The following OXNAD1 variants were observed in gnomAD, a reference collection of about 807,000 sequenced individuals.
The protein encoded by OXNAD1 is oxidoreductase NAD-binding domain-containing protein 1.
A neutral mutation model predicts 32.9 loss-of-function variants in OXNAD1; 34 were observed. The observed-to-expected ratio is 1.03, with a 90% confidence interval of 0.79 to 1.38. The LOEUF (loss-of-function observed/expected upper bound fraction) is 1.38. OXNAD1 is among the 40% of genes most tolerant of loss of function. OXNAD1 has a pLI of 0.00. For missense variants in OXNAD1, 407 were observed against 379.4 expected, an observed-to-expected ratio of 1.07 and a Z score of -0.60; for synonymous variants, 134 against 135.2, an observed-to-expected ratio of 0.99 and a Z score of 0.06.
rs2068050571 is a variant in OXNAD1 at position 16,312,599 on chromosome 3, G to A, written c.*30+9007G>A. On this transcript the variant is annotated intron_variant, in intron 9 of 9. Transcript: ENST00000435829. This position sits in a 1 kb window ranked among gnomAD's most constrained non-coding sequence, Gnocchi z 4.7. ...CAGCACAGTGCCCCTATGCCAGCTA[G>A]GAGCTCAGCTAGAGTGGGTTGCACG... Among the ~76,000 whole-genome samples the A allele has an allele frequency of 6.6e-6, 1 of 152,238 alleles. No individual in the cohort carries two copies. Among genetic ancestry groups the A allele is most frequent in the Admixed American group, 6.5e-5 (1 of 15,290 alleles).
chr3:16,334,112 C>T lies in OXNAD1; in HGVS notation c.*31-3000C>T, dbSNP rs140262746. Among the ~76,000 whole-genome samples, 1 of 152,274 alleles carries T rather than the reference C, an allele frequency of 6.6e-6. No individual in the cohort carries two copies. Among genetic ancestry groups the T allele is most frequent in the African/African-American group, 2.4e-5 (1 of 41,556 alleles). On this transcript the variant is annotated intron_variant, in intron 9 of 9. Transcript: ENST00000435829. The surrounding 1 kb of genome is among the most constrained non-coding windows in gnomAD (Gnocchi z 4.3). ...CCTAGGAGGCAGAAGCTGCAGTGAGCCGAGATCGTGCCACTGCACTCCAGC... is the reference window on the plus strand; with the variant it reads ...CCTAGGAGGCAGAAGCTGCAGTGAGTCGAGATCGTGCCACTGCACTCCAGC...
At chr3:16,274,774 T>TG (rs2065203992) in intron 4 of OXNAD1, among the ~76,000 whole-genome samples, 1 of 152,256 alleles carries the variant, frequency 6.6e-6, no homozygotes, top group Non-Finnish European at 1.5e-5. Context: ...CTTTTGAACA[T>TG]GCCCTTGTTC....
At position 16,299,567 on chromosome 3, in the gene OXNAD1, TAA is replaced by T. The variant is rs2067032666; in HGVS notation, c.433-2058_433-2057del. Among the ~76,000 whole-genome samples, 1 of 152,214 alleles carries T rather than the reference TAA, an allele frequency of 6.6e-6. No individual in the cohort carries two copies. Among genetic ancestry groups the T allele is most frequent in the Admixed American group, 6.5e-5 (1 of 15,282 alleles). ...AAAGACATGTTTTTGTGAATTCAAATAATTTTCATTTTTCTTAGATCTTCTCT... is the reference window on the plus strand; with the variant it reads ...AAAGACATGTTTTTGTGAATTCAAATTTTTCATTTTTCTTAGATCTTCTCT... On this transcript the variant is annotated intron_variant, in intron 6 of 8. Transcript: ENST00000285083. This position sits in a 1 kb window ranked among gnomAD's most constrained non-coding sequence, Gnocchi z 4.4.
chr3:16,286,776 G>A lies in OXNAD1; in HGVS notation c.290+328G>A, dbSNP rs757571096. Among the ~76,000 whole-genome samples, 117 of 152,200 alleles carry A rather than the reference G, an allele frequency of 7.7e-4. 2 individuals carry two copies. Among genetic ancestry groups the A allele is most frequent in the Non-Finnish European group, 8.8e-5 (6 of 68,032 alleles). On this transcript the variant is annotated intron_variant, in intron 5 of 8. Transcript: ENST00000285083. ...CTTCAGGAATGGTTGCTAACAGAAT[G>A]CACTTCAGTAATCTAATCTCCTTGA...
chr3:16,306,360 A>G (rs1019237010), downstream of OXNAD1, among the ~76,000 whole-genome samples: 1 of 152,142 alleles, frequency 6.6e-6, no homozygotes, highest in African/African-American at 2.4e-5. Flanking sequence ...AAGCCTAGCA[A>G]TTGTATCGTG....
Position 16,334,465 on chromosome 3 carries a change from G to C in OXNAD1, c.*31-2647G>C, listed in dbSNP as rs1337817794. 1.3e-5 allele frequency among the ~76,000 whole-genome samples: 2 copies of C among 152,188 alleles called. No individual in the cohort carries two copies. Among genetic ancestry groups the C allele is most frequent in the African/African-American group, 2.4e-5 (1 of 41,432 alleles). ...AATGCACAGAGTTATTCACTGGAGA[G>C]CGGTCTGCAGTAGCAAGACACTGGA... On this transcript the variant is annotated intron_variant, in intron 9 of 9. Transcript: ENST00000435829. The surrounding 1 kb of genome is among the most constrained non-coding windows in gnomAD (Gnocchi z 4.3).
Position 16,312,145 on chromosome 3 carries a change from T to C in OXNAD1, c.*30+8553T>C, listed in dbSNP as rs79157173. Among the ~76,000 whole-genome samples, 2,273 of 152,320 alleles carry C rather than the reference T, an allele frequency of 0.015. 62 individuals are homozygous for C. The highest frequency in any genetic ancestry group is 0.052 in the African/African-American group (2,161 of 41,558). ...AACGATTGTTATCAACAGGAACCTG[T>C]GGTGAACATCACTTTGCTTCCTTCT... On this transcript the variant is annotated intron_variant, in intron 9 of 9. Coordinates refer to the OXNAD1 transcript ENST00000435829. The surrounding 1 kb of genome is among the most constrained non-coding windows in gnomAD (Gnocchi z 4.7).
Position 16,301,779 on chromosome 3 carries a change from A to G in OXNAD1, c.586A>G (p.Arg196Gly), listed in dbSNP as rs570100479. The change falls in exon 7 of 9, where the codon AGA becomes GGA. Residue 196 changes from arginine (R) to glycine (G), a missense_variant. Physicochemically the swap from Arg to Gly is moderately radical, Grantham distance 125. Coordinates refer to ENST00000285083, the MANE Select transcript of OXNAD1 (RefSeq NM_138381.5). This position sits in a 1 kb window ranked among gnomAD's most constrained non-coding sequence, Gnocchi z 4.1. ...SILRHAADLL[R>G]EQANKRNGYE... ...CCTGCGGCACGCAGCAGATCTCCTC[A>G]GAGAGCAGGCAAACAAAAGAAATGG... is the stretch of plus-strand genomic sequence containing the variant. 3 of 1,614,164 alleles carry G rather than the reference A, an allele frequency of 1.9e-6. No homozygotes were observed. Among genetic ancestry groups the G allele is most frequent in the South Asian group, 1.1e-5 (1 of 91,084 alleles).
At chr3:16,319,533 G>A (rs896992221) in intron 9 of OXNAD1, among the ~76,000 whole-genome samples, 1 of 152,212 alleles carries the variant, frequency 6.6e-6, no homozygotes, top group Non-Finnish European at 1.5e-5. Flanking sequence ...CTGTTGTGCA[G>A]TGTACAACTG....
At position 16,303,232 on chromosome 3, in the gene OXNAD1, C is replaced by T. The variant is rs1299752777; in HGVS notation, c.785-176C>T. ...CTTAGGTTTAGGAAGCCTGGAGATG[C>T]ACTCTGCTTGGGTCTGGGCCCAGAT... On this transcript the variant is annotated intron_variant, in intron 8 of 8. Coordinates refer to ENST00000285083, the MANE Select transcript of OXNAD1 (RefSeq NM_138381.5). This position sits in a 1 kb window ranked among gnomAD's most constrained non-coding sequence, Gnocchi z 4.8. Among the ~76,000 whole-genome samples, 1 of 152,160 alleles carries T rather than the reference C, an allele frequency of 6.6e-6. No homozygotes were observed. Among genetic ancestry groups the T allele is most frequent in the Admixed American group, 6.5e-5 (1 of 15,276 alleles).
chr3:16,351,684 A>T (rs1476479685), downstream of OXNAD1, among the ~76,000 whole-genome samples: 1 of 152,246 alleles, frequency 6.6e-6, no homozygotes, highest in Non-Finnish European at 1.5e-5. This position sits in a 1 kb window ranked among gnomAD's most constrained non-coding sequence, Gnocchi z 5.4. Flanking sequence ...GGTAAGCTGT[A>T]TATAAGTTAG....
chr3:16,328,462 C>G (rs969687017), intron 9 of OXNAD1, among the ~76,000 whole-genome samples: 1 of 152,254 alleles, frequency 6.6e-6, no homozygotes. Flanking sequence ...CCTGCCCTGT[C>G]TCTTCAAATG....
At chr3:16,315,116 GGTTTT>G (rs1386677266) in intron 9 of OXNAD1, 4 of 133,970 alleles carry the variant, frequency 3.0e-5, no homozygotes, top group African/African-American at 7.5e-5. Context: ...AAATGTTTGT[GGTTTT>G]GTTTTGTTTT....
Position 16,267,631 on chromosome 3 carries a change from A to T in OXNAD1, c.-158-1495A>T, listed in dbSNP as rs373988460. 7.9e-4 allele frequency among the ~76,000 whole-genome samples: 120 copies of T among 152,186 alleles called. 1 individual carries two copies. In the South Asian group the frequency reaches 0.024, roughly 31 times the overall value. ...CAGCCAAGGTGTCATCACTGGAGAG[A>T]TGTCTTTCTTGATATTTCCCCCACC... On this transcript the variant is annotated intron_variant, in intron 1 of 8. Coordinates refer to ENST00000285083, the MANE Select transcript of OXNAD1 (RefSeq NM_138381.5).
In OXNAD1 at chr3:16,345,813, TGTGTGCGCGCGC is replaced by T. The variant is rs1559843380; in HGVS notation, c.*31-3361_*31-3350del. Reference sequence around the variant, plus strand: ...CTGTGTGTGTGTGTGTGTGTGTGTGTGTGTGCGCGCGCGCGTGCGCGCACGCGCACATGTGCA... The same window carrying T: ...CTGTGTGTGTGTGTGTGTGTGTGTGTGCGTGCGCGCACGCGCACATGTGCA... On this transcript the variant is annotated intron_variant, in intron 9 of 9. Coordinates refer to the OXNAD1 transcript ENST00000606098. This position sits in a 1 kb window ranked among gnomAD's most constrained non-coding sequence, Gnocchi z 5.2. Among the ~76,000 whole-genome samples the T allele has an allele frequency of 1.2e-5, 1 of 84,690 alleles. No individual in the cohort carries two copies. Among genetic ancestry groups the T allele is most frequent in the Non-Finnish European group, 2.2e-5 (1 of 44,662 alleles). 55.6% of individuals were successfully genotyped at this position (84,690 alleles called of 152,430 possible). A position where few individuals can be genotyped will look rare whatever the true frequency, so the allele number is the denominator to read the frequency against.
chr3:16,317,208 C>A lies in OXNAD1; in HGVS notation c.*30+13616C>A, dbSNP rs1255826550. 1 of 1,613,018 alleles carries A rather than the reference C, an allele frequency of 6.2e-7. No homozygotes were observed. The highest frequency in any genetic ancestry group is 8.5e-7 in the Non-Finnish European group (1 of 1,180,008). On this transcript the variant is annotated intron_variant, in intron 9 of 9. Coordinates refer to the OXNAD1 transcript ENST00000435829. This position sits in a 1 kb window ranked among gnomAD's most constrained non-coding sequence, Gnocchi z 4.3. ...TTCCTCATCTGCCTGTTGTGCATTT[C>A]TTCTCTGGAGAATCGCCACTGAAAC... is the stretch of plus-strand genomic sequence containing the variant.
chr3:16,286,494 C>T, intron 5 of OXNAD1, 46 bp downstream of exon 5: 1 of 1,466,334 alleles, frequency 6.8e-7, no homozygotes, highest in East Asian at 2.3e-5. Context: ...CAAGAAGGTG[C>T]CATCAGATAG....
intron 9 of OXNAD1, among the ~76,000 whole-genome samples, chr3:16,324,646 T>TAGTGTGTG (rs2069499946): frequency 1.0e-5 from 1 of 100,434 alleles, no homozygotes; most frequent in Admixed American, 1.1e-4. Flanking sequence ...TAGTATTCCA[T>TAGTGTGTG]TGTGTGTGTG....
In OXNAD1 at chr3:16,290,166, C is replaced by T. The variant is rs553492714; in HGVS notation, c.290+3718C>T. Among the ~76,000 whole-genome samples the T allele has an allele frequency of 4.6e-5, 7 of 152,266 alleles. No individual in the cohort carries two copies. Among genetic ancestry groups the T allele is most frequent in the African/African-American group, 1.4e-4 (6 of 41,556 alleles). ...GATGTGGACATCCACTGCTTCACCG[C>T]GCACCTAGGCTCCTTCTGCATACAC... On this transcript the variant is annotated intron_variant, in intron 5 of 8. Transcript: ENST00000285083. The surrounding 1 kb of genome is among the most constrained non-coding windows in gnomAD (Gnocchi z 4.2).
Sources: allele counts gnomAD v4.1 joint callset (sites outside exome capture counted in the v4.1 genomes callset), GRCh38; gene constraint gnomAD v4.1.1; non-coding constraint Gnocchi (gnomAD v3.1); transcripts MANE v1.5; gene names NCBI Gene and HGNC (gene_info 2026-07-23, HGNC 2026-07-21).